Variants in IKZF3 observed in about 807,000 individuals in gnomAD.
The protein encoded by IKZF3 is zinc finger protein Aiolos.
A neutral mutation model predicts 49.0 loss-of-function variants in IKZF3; 10 were observed. That is an observed-to-expected ratio of 0.20 (90% CI 0.13 to 0.35). The LOEUF is 0.35. Among genes scored for constraint, IKZF3 ranks in the 10% least tolerant of loss-of-function variants. The pLI, the probability that IKZF3 is intolerant of heterozygous loss-of-function variation, is 1.00. For missense variants in IKZF3, 498 were observed against 664.8 expected (o/e 0.75, Z 2.76); for synonymous variants, 209 against 228.2 (o/e 0.92, Z 0.76).
At chr17:39,842,054 A>AAAAAAAAAAT (rs1568050115) in intron 1 of IKZF3, among the ~76,000 whole-genome samples, 1 of 148,430 alleles carries the variant, frequency 6.7e-6, no homozygotes, top group African/African-American at 2.5e-5. Flanking sequence ...AAAAAAAAAA[A>AAAAAAAAAAT]AAAAACCAGA....
chr17:39,862,278 G>C (rs1327674990), intron 1 of IKZF3, among the ~76,000 whole-genome samples: 2 of 152,096 alleles, frequency 1.3e-5, no homozygotes, highest in Non-Finnish European at 2.9e-5. Context: ...TTTATATGCT[G>C]AAGGAATGAT....
At chr17:39,825,327 T>A (rs1190508286) in intron 3 of IKZF3, among the ~76,000 whole-genome samples, 3 of 152,128 alleles carry the variant, frequency 2.0e-5, no homozygotes, top group African/African-American at 7.2e-5. Flanking sequence ...GTTTATCACA[T>A]TCACAGGTCC....
At chr17:39,857,976 A>AAAG (rs1555645024) in intron 1 of IKZF3, among the ~76,000 whole-genome samples, 4 of 151,428 alleles carry the variant, frequency 2.6e-5, no homozygotes, top group African/African-American at 9.7e-5. Context: ...AAAAAAAAAA[A>AAAG]AGAGAGAGAG....
intron 7 of IKZF3, among the ~76,000 whole-genome samples, chr17:39,768,051 CA>C (rs1197734158): frequency 4.7e-5 from 7 of 148,094 alleles, no homozygotes; most frequent in Admixed American, 2.0e-4. Flanking sequence ...GACCTTGTCT[CA>C]AAAAAAAAAG....
intron 1 of IKZF3, among the ~76,000 whole-genome samples, 195 bp downstream of exon 1, chr17:39,863,925 C>T (rs1317509187): frequency 6.6e-6 from 1 of 152,184 alleles, no homozygotes; most frequent in Admixed American, 6.5e-5. Flanking sequence ...TTATCACTTT[C>T]CAAAGGGCGG....
At chr17:39,843,015 A>C (rs1469031024) in intron 1 of IKZF3, among the ~76,000 whole-genome samples, 1 of 152,222 alleles carries the variant, frequency 6.6e-6, no homozygotes, top group Non-Finnish European at 1.5e-5. Flanking sequence ...ATTTGCAGGG[A>C]TAGTTTACAA....
intron 3 of IKZF3, among the ~76,000 whole-genome samples, chr17:39,824,187 A>G (rs572076462): frequency 6.6e-6 from 1 of 152,302 alleles, no homozygotes; most frequent in East Asian, 1.9e-4. Context: ...GTCAAAGGAG[A>G]TCATTTTGGA....
intron 6 of IKZF3, among the ~76,000 whole-genome samples, chr17:39,785,599 CA>C (rs759528639): frequency 2.6e-5 from 4 of 152,052 alleles, no homozygotes; most frequent in Non-Finnish European, 5.9e-5. Context: ...ACTTCAAAAT[CA>C]ATAATTTTGA....
At chr17:39,788,520 T>C in intron 5 of IKZF3, 146 bp from the exon 6 acceptor site, 1 of 594,966 alleles carries the variant, frequency 1.7e-6, no homozygotes, top group South Asian at 2.1e-5. Flanking sequence ...ATATTTTAAA[T>C]TTGGTAAGCT....
chr17:39,848,403 C>T (rs565092174), intron 1 of IKZF3, among the ~76,000 whole-genome samples: 1 of 152,298 alleles, frequency 6.6e-6, no homozygotes, highest in East Asian at 1.9e-4. Flanking sequence ...ATATCACATG[C>T]TACCAAATGA....
At chr17:39,795,458 G>C (rs2061138161) in intron 3 of IKZF3, among the ~76,000 whole-genome samples, 1 of 152,032 alleles carries the variant, frequency 6.6e-6, no homozygotes, top group Non-Finnish European at 1.5e-5. Flanking sequence ...GCCCAGCCTG[G>C]AGTGTAGTGG....
At chr17:39,847,832 T>C (rs2062678826) in intron 1 of IKZF3, among the ~76,000 whole-genome samples, 1 of 152,182 alleles carries the variant, frequency 6.6e-6, no homozygotes, top group African/African-American at 2.4e-5. Context: ...ACAAAGTCAG[T>C]GACACATTAA....
chr17:39,777,570 A>G (rs12709364), intron 7 of IKZF3, 81 bp downstream of exon 7: 33,110 of 888,360 alleles, frequency 0.037, 958 homozygotes, highest in African/African-American at 0.12. Context: ...AAGCTAGGAA[A>G]GGCCTTGTGT....
chr17:39,855,257 GT>G (rs11289730), intron 1 of IKZF3, among the ~76,000 whole-genome samples: 5,326 of 152,130 alleles, frequency 0.035, 321 homozygotes, highest in African/African-American at 0.12. Flanking sequence ...ACAAGTTTTT[GT>G]CTTGTTTTTG....
At chr17:39,807,077 T>C (rs957865454) in intron 3 of IKZF3, among the ~76,000 whole-genome samples, 24 of 152,314 alleles carry the variant, frequency 1.6e-4, no homozygotes, top group African/African-American at 4.8e-4. Context: ...AGTATCTTGT[T>C]AGCAGCCTTG....
At chr17:39,835,595 G>A (rs938631099) in intron 1 of IKZF3, 5 of 436,094 alleles carry the variant, frequency 1.1e-5, no homozygotes, top group African/African-American at 2.0e-5. Context: ...TGCGGTTGGC[G>A]ATCTTCTCAT....
At chr17:39,771,615 G>A (rs2060445267) in intron 7 of IKZF3, among the ~76,000 whole-genome samples, 1 of 151,844 alleles carries the variant, frequency 6.6e-6, no homozygotes, top group African/African-American at 2.4e-5. Flanking sequence ...GGTGGTGGTA[G>A]TGACGGTGGT....
intron 3 of IKZF3, among the ~76,000 whole-genome samples, chr17:39,795,280 C>T (rs2061133911): frequency 1.3e-5 from 2 of 152,202 alleles, no homozygotes; most frequent in Admixed American, 1.3e-4. Context: ...GACACAGGGA[C>T]AGGGCATTAG....
chr17:39,789,642 C>G (rs1441264891), intron 5 of IKZF3, among the ~76,000 whole-genome samples: 2 of 151,952 alleles, frequency 1.3e-5, no homozygotes, highest in Non-Finnish European at 2.9e-5. Flanking sequence ...GCAGGAGAAT[C>G]GCTTGAACCT....
Sources: gnomAD v4.1 joint callset for allele counts (sites outside exome capture counted in the v4.1 genomes callset) on GRCh38, gnomAD v4.1.1 for gene constraint, MANE v1.5 for transcripts, NCBI Gene and HGNC (gene_info 2026-07-23, HGNC 2026-07-21) for gene names.